The following ME3 variants were observed in gnomAD, a reference collection of about 807,000 sequenced individuals.
The protein encoded by ME3 is NADP-dependent malic enzyme, mitochondrial.
A neutral mutation model predicts 68.9 loss-of-function variants in ME3; 48 were observed. That is an observed-to-expected ratio of 0.70 (90% CI 0.55 to 0.89). ME3 has a LOEUF of 0.89. ME3 is among the 40% of genes least tolerant of loss of function. ME3 has a pLI of 0.00. For missense variants in ME3, 675 were observed against 797.4 expected, an observed-to-expected ratio of 0.85 and a Z score of 1.85; for synonymous variants, 320 against 318.8, an observed-to-expected ratio of 1.00 and a Z score of -0.04.
chr11:86,551,075 C>A (rs7930619), intron 4 of ME3, among the ~76,000 whole-genome samples: 2 of 151,796 alleles, frequency 1.3e-5, no homozygotes, highest in African/African-American at 4.8e-5. Flanking sequence ...ACATATTGAG[C>A]GGGAAGTAGG....
chr11:86,621,540 AG>A (rs1594697928), intron 2 of ME3, among the ~76,000 whole-genome samples: 1 of 152,082 alleles, frequency 6.6e-6, no homozygotes, highest in Non-Finnish European at 1.5e-5. Context: ...AAGTTAAATC[AG>A]GAGTCTTTCT....
chr11:86,448,256 C>G lies in ME3; in HGVS notation c.1132-1G>C. ...TTTCATGGTTCAGGTGGCTCCTCCC[C>G]TACAGGAAAAGGAACACAGAGCAGT... On this transcript the variant is annotated splice_acceptor_variant, in intron 10 of 14. Coordinates refer to ENST00000543262, the Ensembl canonical transcript of ME3. LOFTEE classifies it high-confidence loss of function. The G allele has an allele frequency of 6.2e-7, 1 of 1,611,798 alleles. No homozygotes were observed. Among genetic ancestry groups the G allele is most frequent in the South Asian group, 1.1e-5 (1 of 91,012 alleles).
chr11:86,659,273 GGA>G (rs1380878994), intron 2 of ME3, among the ~76,000 whole-genome samples: 2 of 152,096 alleles, frequency 1.3e-5, no homozygotes, highest in African/African-American at 4.8e-5. Flanking sequence ...GTTTTTTTAT[GGA>G]GAGACTCAAA....
intron 2 of ME3, among the ~76,000 whole-genome samples, chr11:86,588,969 C>G (rs1958897769): frequency 6.6e-6 from 1 of 151,732 alleles, no homozygotes; most frequent in Admixed American, 6.6e-5. Flanking sequence ...CCTCCCTCAC[C>G]TCCCAGGGCC....
chr11:86,573,912 T>C (rs1290502421), intron 2 of ME3, among the ~76,000 whole-genome samples: 1 of 152,236 alleles, frequency 6.6e-6, no homozygotes, highest in Non-Finnish European at 1.5e-5. Flanking sequence ...TCATTGGTTC[T>C]GTTTATGTGA....
At chr11:86,592,889 G>T (rs1959137732) in intron 2 of ME3, among the ~76,000 whole-genome samples, 1 of 152,166 alleles carries the variant, frequency 6.6e-6, no homozygotes, top group South Asian at 2.1e-4. Context: ...ACAGAACGCA[G>T]GCATCAAACA....
intron 2 of ME3, among the ~76,000 whole-genome samples, chr11:86,629,859 GT>G (rs941067764): frequency 1.3e-5 from 2 of 152,186 alleles, no homozygotes; most frequent in Non-Finnish European, 2.9e-5. Flanking sequence ...CTGAGAACTT[GT>G]GATTGAAATT....
At chr11:86,634,991 T>A (rs751333508) in intron 2 of ME3, among the ~76,000 whole-genome samples, 2 of 152,214 alleles carry the variant, frequency 1.3e-5, no homozygotes, top group Non-Finnish European at 2.9e-5. Context: ...CCGTTCTGGA[T>A]GTTACCAGGC....
At chr11:86,469,552 CCTT>C (rs1292724579) in intron 7 of ME3, among the ~76,000 whole-genome samples, 3 of 152,210 alleles carry the variant, frequency 2.0e-5, no homozygotes, top group Non-Finnish European at 4.4e-5. Flanking sequence ...TGATGTCTAT[CCTT>C]CTGTCCTGCG....
intron 2 of ME3, among the ~76,000 whole-genome samples, chr11:86,608,493 T>C (rs1051005610): frequency 1.3e-5 from 2 of 152,170 alleles, no homozygotes; most frequent in African/African-American, 4.8e-5. Context: ...ATAGTGATGT[T>C]TTCAGGTGTA....
chr11:86,509,654 G>A (rs935813783), intron 4 of ME3, among the ~76,000 whole-genome samples: 20 of 152,106 alleles, frequency 1.3e-4, no homozygotes, highest in African/African-American at 4.1e-4. Context: ...GAAATGAAGA[G>A]GGGGTGGGTT....
At chr11:86,475,965 C>T (rs1010330781) in intron 7 of ME3, among the ~76,000 whole-genome samples, 7 of 151,770 alleles carry the variant, frequency 4.6e-5, no homozygotes, top group Admixed American at 4.6e-4. Flanking sequence ...AATGTGAACA[C>T]CCCTGTGAAA....
chr11:86,515,289 G>A (rs1953812519), intron 4 of ME3, among the ~76,000 whole-genome samples: 1 of 152,164 alleles, frequency 6.6e-6, no homozygotes, highest in African/African-American at 2.4e-5. Flanking sequence ...CTGTTCCAGG[G>A]ACACTGGCAG....
At chr11:86,486,206 C>T (rs542310846) in intron 7 of ME3, among the ~76,000 whole-genome samples, 13 of 152,296 alleles carry the variant, frequency 8.5e-5, no homozygotes, top group Non-Finnish European at 1.8e-4. Flanking sequence ...TTCCTGCTTG[C>T]TTACTCAAGG....
At chr11:86,504,542 T>C (rs1012549787) in intron 5 of ME3, among the ~76,000 whole-genome samples, 1 of 151,560 alleles carries the variant, frequency 6.6e-6, no homozygotes, top group Non-Finnish European at 1.5e-5. Context: ...TACAGGTGTG[T>C]GCCACCACAC....
intron 4 of ME3, among the ~76,000 whole-genome samples, chr11:86,537,353 A>C (rs113079041): frequency 4.6e-4 from 69 of 151,630 alleles, no homozygotes; most frequent in African/African-American, 1.6e-3. Flanking sequence ...TGCATTAAAT[A>C]TAATAATTGC....
chr11:86,638,067 C>T (rs905292196), intron 2 of ME3, among the ~76,000 whole-genome samples: 3 of 151,934 alleles, frequency 2.0e-5, no homozygotes, highest in African/African-American at 7.3e-5. Flanking sequence ...TGGCTCCCAG[C>T]TTCCCACAGG....
At chr11:86,463,922 G>T (rs920370624) in intron 8 of ME3, among the ~76,000 whole-genome samples, 5 of 152,158 alleles carry the variant, frequency 3.3e-5, no homozygotes, top group Admixed American at 6.5e-5. Context: ...CTCTTTTTCT[G>T]TCTCAGTGTT....
intron 4 of ME3, among the ~76,000 whole-genome samples, chr11:86,514,294 A>G (rs1172516601): frequency 6.6e-6 from 1 of 152,182 alleles, no homozygotes; most frequent in Admixed American, 6.5e-5. Flanking sequence ...ATTTCTTTAT[A>G]GCAGCATGAG....
Sources: allele counts gnomAD v4.1 joint callset (sites outside exome capture counted in the v4.1 genomes callset), GRCh38; gene constraint gnomAD v4.1.1; transcripts MANE v1.5; gene names NCBI Gene and HGNC (gene_info 2026-07-23, HGNC 2026-07-21).